The following PCED1B variants were observed in gnomAD, a reference collection of about 807,000 sequenced individuals.
PCED1B encodes the protein PC-esterase domain containing 1B, also known as PC-esterase domain-containing protein 1B.
For missense variants in PCED1B, 573 were observed against 573.9 expected (o/e 1.00, Z 0.02); for synonymous variants, 251 against 246.1 (o/e 1.02, Z -0.19).
Position 47,111,984 on chromosome 12 carries a change from G to A in PCED1B, c.-526+7789G>A, listed in dbSNP as rs150996104. Among the ~76,000 whole-genome samples, 543 of 152,224 alleles carry A rather than the reference G, an allele frequency of 3.6e-3. 3 individuals carry two copies. The highest frequency in any genetic ancestry group is 0.012 in the African/African-American group (514 of 41,534). ...CCCTCATAAGCTGTTGGTGGGGGTC[G>A]TGTAGCCCCTCCATAAGATGGCCAG... On this transcript the variant is annotated intron_variant, in intron 2 of 3. Transcript: ENST00000546455.
chr12:47,198,742 A>T lies in PCED1B; in HGVS notation c.-525-17480A>T, dbSNP rs1270861500. ...CACTTTGGGTGGCCAAGGCAGGCGG[A>T]TCACCTGAGGTCAGGAGTTTGAGAC... On this transcript the variant is annotated intron_variant, in intron 2 of 3. Coordinates refer to ENST00000546455, the MANE Select transcript of PCED1B (RefSeq NM_138371.3). Among the ~76,000 whole-genome samples the T allele has an allele frequency of 2.0e-5, 3 of 152,176 alleles. No individual in the cohort carries two copies. The South Asian group carries it at 6.2e-4, about 31-fold the overall frequency.
chr12:47,179,718 A>G (rs757526568), intron 2 of PCED1B, among the ~76,000 whole-genome samples: 1 of 152,082 alleles, frequency 6.6e-6, no homozygotes, highest in Non-Finnish European at 1.5e-5. Flanking sequence ...TTATTCATCA[A>G]TCCATTTAAG....
At chr12:47,099,745 C>CTT (rs1288513083) in intron 1 of PCED1B, among the ~76,000 whole-genome samples, 1 of 152,160 alleles carries the variant, frequency 6.6e-6, no homozygotes, top group Non-Finnish European at 1.5e-5. Flanking sequence ...GAAAAAAAGA[C>CTT]TGAGAGGTGG....
At chr12:47,114,342 C>T (rs1480502942) in intron 2 of PCED1B, among the ~76,000 whole-genome samples, 1 of 152,160 alleles carries the variant, frequency 6.6e-6, no homozygotes. Flanking sequence ...AAACTCAGGC[C>T]CTCTGCCTCA....
chr12:47,228,039 T>C (rs1440648251), intron 3 of PCED1B, among the ~76,000 whole-genome samples: 1 of 32,054 alleles, frequency 3.1e-5, no homozygotes, highest in Non-Finnish European at 7.1e-5. Flanking sequence ...TTTCTTTTCC[T>C]TTTTTTTTTT....
rs59856338 is a variant in PCED1B at position 47,160,293 on chromosome 12, C to CTTT, written c.-525-55907_-525-55905dup. ...TTTCTTTCTTTTTCTTTTTCTTTTT[C>CTTT]TTTTTTTTTTTTTTTTTTTTTTTTG... On this transcript the variant is annotated intron_variant, in intron 2 of 3. Coordinates refer to ENST00000546455, the MANE Select transcript of PCED1B (RefSeq NM_138371.3). 7.5e-3 allele frequency among the ~76,000 whole-genome samples: 515 copies of CTTT among 68,886 alleles called. 1 individual carries two copies. Among genetic ancestry groups the CTTT allele is most frequent in the Middle Eastern group, 0.012 (1 of 84 alleles). The allele number at this position is 68,886 out of a possible 152,430, so 45.2% of individuals were successfully genotyped here.
intron 2 of PCED1B, among the ~76,000 whole-genome samples, chr12:47,143,920 T>C (rs1163636448): frequency 6.6e-6 from 1 of 152,200 alleles, no homozygotes; most frequent in African/African-American, 2.4e-5. Context: ...GGCATTGCTC[T>C]AGTGGAAACT....
intron 3 of PCED1B, among the ~76,000 whole-genome samples, chr12:47,229,887 A>G (rs1027556485): frequency 6.6e-6 from 1 of 150,806 alleles, no homozygotes; most frequent in Non-Finnish European, 1.5e-5. Flanking sequence ...CTCCTGCCTC[A>G]GCCTCCCGAG....
Position 47,235,658 on chromosome 12 carries a change from C to T in PCED1B, c.595C>T (p.His199Tyr). The T allele has an allele frequency of 6.2e-7, 1 of 1,612,562 alleles. No homozygotes were observed. The highest frequency in any genetic ancestry group is 8.5e-7 in the Non-Finnish European group (1 of 1,179,836). ...LKNEVVKANF[H>Y]SATEARKHNF... is the part of the protein sequence containing the mutation. ...AAACGAAGTGGTCAAAGCCAACTTC[C>T]ACAGCGCCACCGAGGCACGTAAACA... Residue 199 changes from histidine to tyrosine, a missense_variant, in exon 4 of 4, where the codon CAC becomes TAC. Physicochemically the swap from His to Tyr is moderately conservative, Grantham distance 83 (BLOSUM62 2). Transcript: ENST00000546455.
Position 47,235,376 on chromosome 12 carries a change from A to G in PCED1B, c.313A>G (p.Ile105Val). Reference protein sequence around the residue: ...TRVYSDYLQTILKELQSGEHA... With the variant: ...TRVYSDYLQTVLKELQSGEHA... ...CGTGTACTCCGATTACCTCCAGACCATCTTGAAAGAGCTGCAGTCGGGCGA... is the reference window on the plus strand; with the variant it reads ...CGTGTACTCCGATTACCTCCAGACCGTCTTGAAAGAGCTGCAGTCGGGCGA... Residue 105 changes from isoleucine (I) to valine (V), a missense_variant, in exon 4 of 4, where the codon ATC becomes GTC. Ile to Val is a conservative substitution (Grantham distance 29). Coordinates refer to ENST00000546455, the MANE Select transcript of PCED1B (RefSeq NM_138371.3). 1 of 1,614,164 alleles carries G rather than the reference A, an allele frequency of 6.2e-7. No homozygotes were observed. The highest frequency in any genetic ancestry group is 8.5e-7 in the Non-Finnish European group (1 of 1,180,042).
intron 2 of PCED1B, among the ~76,000 whole-genome samples, chr12:47,192,359 T>A (rs780898629): frequency 6.6e-6 from 1 of 152,100 alleles, no homozygotes; most frequent in Non-Finnish European, 1.5e-5. Flanking sequence ...ATATGTAGCC[T>A]GGAAAAAAAA....
intron 1 of PCED1B, among the ~76,000 whole-genome samples, chr12:47,103,122 A>T (rs1363522713): frequency 6.6e-6 from 1 of 152,182 alleles, no homozygotes; most frequent in East Asian, 1.9e-4. Flanking sequence ...AAATCAAAGC[A>T]CTAAGCAAAC....
intron 3 of PCED1B, among the ~76,000 whole-genome samples, chr12:47,230,952 A>G (rs1263502865): frequency 6.6e-6 from 1 of 152,192 alleles, no homozygotes; most frequent in East Asian, 1.9e-4. Context: ...AGATATATGA[A>G]GTGTACTAAT....
chr12:47,195,047 G>A (rs1403270371), intron 2 of PCED1B, among the ~76,000 whole-genome samples: 1 of 152,148 alleles, frequency 6.6e-6, no homozygotes, highest in African/African-American at 2.4e-5. Context: ...ATTTCTAAAA[G>A]TAGGCCGGGC....
intron 2 of PCED1B, among the ~76,000 whole-genome samples, chr12:47,141,621 G>A (rs1038062251): frequency 1.3e-5 from 2 of 152,122 alleles, no homozygotes; most frequent in African/African-American, 4.8e-5. Context: ...ACAGGAACCT[G>A]CTGGGAAACA....
At chr12:47,213,537 A>C (rs1277264675) in intron 2 of PCED1B, among the ~76,000 whole-genome samples, 1 of 152,222 alleles carries the variant, frequency 6.6e-6, no homozygotes, top group East Asian at 1.9e-4. Flanking sequence ...AGATAAGAAA[A>C]ATAATTGCGT....
At chr12:47,234,834 A>G (rs867479263) in intron 3 of PCED1B, among the ~76,000 whole-genome samples, 173 bp from the exon 4 acceptor site, 1 of 152,120 alleles carries the variant, frequency 6.6e-6, no homozygotes, top group Middle Eastern at 3.2e-3. Context: ...CCCTCTCGCC[A>G]ATCTCCCAGG....
At chr12:47,178,453 C>T (rs1285548038) in intron 2 of PCED1B, among the ~76,000 whole-genome samples, 2 of 152,126 alleles carry the variant, frequency 1.3e-5, no homozygotes, top group Non-Finnish European at 2.9e-5. Context: ...CAGGAAATTT[C>T]ATGGGCTGGT....
intron 2 of PCED1B, among the ~76,000 whole-genome samples, chr12:47,124,908 A>C (rs1939825662): frequency 6.6e-6 from 1 of 151,918 alleles, no homozygotes; most frequent in Admixed American, 6.6e-5. Context: ...ATATATTCTC[A>C]ATACAGGTTC....
Sources: allele counts gnomAD v4.1 joint callset (sites outside exome capture counted in the v4.1 genomes callset), GRCh38; gene constraint gnomAD v4.1.1; transcripts MANE v1.5; gene names NCBI Gene and HGNC (gene_info 2026-07-23, HGNC 2026-07-21).